Variants in RBFOX1 observed in about 807,000 individuals in gnomAD.
RBFOX1 encodes RNA binding fox-1 homolog 1.
RBFOX1 carries 8 observed loss-of-function variants against 57.7 expected under a neutral mutation model. The observed-to-expected ratio is 0.14, with a 90% CI of 0.08 to 0.25. RBFOX1 has a LOEUF of 0.25. RBFOX1 is among the 10% of genes least tolerant of loss of function. The pLI is 1.00. For synonymous variants in RBFOX1, 326 were observed against 222.4 expected, an observed-to-expected ratio of 1.47 and a Z score of -4.15; for missense variants, 611 against 548.5, an observed-to-expected ratio of 1.11 and a Z score of -1.14.
chr16:5,606,324 C>G (rs1483102761), intron 3 of RBFOX1, among the ~76,000 whole-genome samples: 1 of 152,052 alleles, frequency 6.6e-6, no homozygotes, highest in African/African-American at 2.4e-5. Flanking sequence ...TGAATTCTCC[C>G]CTCAGATCTG....
intron 1 of RBFOX1, among the ~76,000 whole-genome samples, chr16:5,335,017 A>G (rs2064859657): frequency 1.3e-5 from 2 of 152,140 alleles, no homozygotes. Flanking sequence ...CCCAATTTCA[A>G]TTCTGATAAA....
At chr16:6,996,969 G>T (rs1329114622) in intron 3 of RBFOX1, among the ~76,000 whole-genome samples, 1 of 152,034 alleles carries the variant, frequency 6.6e-6, no homozygotes, top group African/African-American at 2.4e-5. Flanking sequence ...AAGTTTATAG[G>T]CAGCATTGAA....
At chr16:6,950,250 G>T (rs1254680957) in intron 3 of RBFOX1, among the ~76,000 whole-genome samples, 1 of 151,286 alleles carries the variant, frequency 6.6e-6, no homozygotes, top group Non-Finnish European at 1.5e-5. Context: ...GAGCCACCAT[G>T]TCCGGCCAGC....
At chr16:5,914,619 G>C (rs924874916) in intron 4 of RBFOX1, among the ~76,000 whole-genome samples, 1 of 152,174 alleles carries the variant, frequency 6.6e-6, no homozygotes, top group African/African-American at 2.4e-5. Flanking sequence ...GAGAGAGGCC[G>C]GGCGAGGTGG....
chr16:6,095,571 G>C (rs905920394), intron 1 of RBFOX1, among the ~76,000 whole-genome samples: 13 of 152,206 alleles, frequency 8.5e-5, no homozygotes, highest in Admixed American at 6.5e-4. Flanking sequence ...CATTCATCTA[G>C]GAAGGCAGAC....
intron 3 of RBFOX1, among the ~76,000 whole-genome samples, chr16:6,776,562 T>C (rs1603620084): frequency 6.6e-6 from 1 of 152,154 alleles, no homozygotes. Context: ...TCATCCATGG[T>C]TGACACTGTT....
intron 5 of RBFOX1, among the ~76,000 whole-genome samples, chr16:7,559,212 A>G (rs1461818304): frequency 1.3e-5 from 2 of 152,230 alleles, no homozygotes. Context: ...GATCGAAAGT[A>G]TCAAATAGTC....
At chr16:6,685,073 A>G (rs368720080) in intron 3 of RBFOX1, among the ~76,000 whole-genome samples, 1 of 152,108 alleles carries the variant, frequency 6.6e-6, no homozygotes, top group African/African-American at 2.4e-5. Context: ...GTGAAATTCA[A>G]ACCTCCATCC....
chr16:6,998,109 A>G (rs2092424847), intron 3 of RBFOX1, among the ~76,000 whole-genome samples: 2 of 152,174 alleles, frequency 1.3e-5, no homozygotes, highest in Non-Finnish European at 2.9e-5. Context: ...TTAGTGTACA[A>G]TAGCATATGT....
rs3041579 is a variant in RBFOX1 at position 5,929,033 on chromosome 16, T to TAAAA, written c.351+61713_351+61716dup. On this transcript the variant is annotated intron_variant, in intron 4 of 19. Coordinates refer to the RBFOX1 transcript ENST00000641259. ...AAGTGTTTAAAGCTTCTTTCCAATTTAAAAAAAAAAAAAAAAAAGGAAAGA... is the reference window on the plus strand; with the variant it reads ...AAGTGTTTAAAGCTTCTTTCCAATTTAAAAAAAAAAAAAAAAAAAAAAGGAAAGA... 1.1e-3 allele frequency among the ~76,000 whole-genome samples: 137 copies of TAAAA among 127,044 alleles called. 1 individual carries two copies. The highest frequency in any genetic ancestry group is 4.3e-3 in the Middle Eastern group (1 of 230). 83.3% of individuals were successfully genotyped at this position (127,044 alleles called of 152,430 possible).
Position 6,269,864 on chromosome 16 carries a change from CT to C in RBFOX1, c.-126-47128del, listed in dbSNP as rs573627489. On this transcript the variant is annotated intron_variant, in intron 1 of 15. Transcript: ENST00000550418. ...TGGTGTTTTCAAAATTATGCTTTAT[CT>C]TTAAGCAAAAATTATAATACCATCT... is the stretch of plus-strand genomic sequence containing the variant. Among the ~76,000 whole-genome samples, 6 of 152,242 alleles carry C rather than the reference CT, an allele frequency of 3.9e-5. No homozygotes were observed. The South Asian group carries it at 1.2e-3, about 32-fold the overall frequency.
chr16:7,239,850 A>C (rs1203807047), intron 4 of RBFOX1, among the ~76,000 whole-genome samples: 1 of 151,922 alleles, frequency 6.6e-6, no homozygotes. Context: ...ACTTGAAACT[A>C]CTACTTGAAA....
intron 1 of RBFOX1, among the ~76,000 whole-genome samples, chr16:5,434,629 T>G (rs573443523): frequency 6.6e-6 from 1 of 152,212 alleles, no homozygotes. Context: ...TTGTTGTGAG[T>G]TCTCCTTCGT....
intron 3 of RBFOX1, among the ~76,000 whole-genome samples, chr16:6,994,064 G>T (rs1299180918): frequency 1.3e-5 from 2 of 152,134 alleles, no homozygotes; most frequent in African/African-American, 4.8e-5. Flanking sequence ...TAACAAACAG[G>T]CCTTAGTGCA....
chr16:7,137,554 T>C (rs1293171146), intron 4 of RBFOX1, among the ~76,000 whole-genome samples: 2 of 152,182 alleles, frequency 1.3e-5, no homozygotes, highest in African/African-American at 2.4e-5. Flanking sequence ...CGTGGAACTG[T>C]GAGTCCATTA....
At chr16:6,714,936 C>T (rs946502789) in intron 3 of RBFOX1, among the ~76,000 whole-genome samples, 3 of 152,186 alleles carry the variant, frequency 2.0e-5, no homozygotes, top group Non-Finnish European at 4.4e-5. Context: ...GAGCTGAAGA[C>T]TTAAGTTGTA....
chr16:6,382,376 C>G (rs542023128), intron 2 of RBFOX1, among the ~76,000 whole-genome samples: 2 of 152,292 alleles, frequency 1.3e-5, no homozygotes, highest in South Asian at 4.1e-4. Flanking sequence ...TGTTTTTGTG[C>G]TTGCTTTCTC....
rs537614655 is a variant in RBFOX1 at position 6,990,328 on chromosome 16, C to T, written c.-15-61729C>T. 5.3e-5 allele frequency among the ~76,000 whole-genome samples: 8 copies of T among 152,106 alleles called. No homozygotes were observed. The South Asian group carries it at 1.0e-3, about 20-fold the overall frequency. On this transcript the variant is annotated intron_variant, in intron 3 of 15. Coordinates refer to ENST00000550418, the MANE Select transcript of RBFOX1 (RefSeq NM_018723.4). ...TCACCTGAGGTCAGGAGTTCGAGAC[C>T]AGCCTGGCCAACATGGTGAAACCCC... is the stretch of plus-strand genomic sequence containing the variant.
intron 3 of RBFOX1, among the ~76,000 whole-genome samples, chr16:6,937,771 A>C (rs113288099): frequency 6.6e-6 from 1 of 152,060 alleles, no homozygotes; most frequent in South Asian, 2.1e-4. Context: ...TATCGTGTGG[A>C]TGTAGCCTCC....
Sources: gnomAD v4.1 joint callset for allele counts (sites outside exome capture counted in the v4.1 genomes callset) on GRCh38, gnomAD v4.1.1 for gene constraint, MANE v1.5 for transcripts, NCBI Gene and HGNC (gene_info 2026-07-23, HGNC 2026-07-21) for gene names.